The following RNGTT variants were observed in gnomAD, a reference collection of about 807,000 sequenced individuals.
The protein encoded by RNGTT is mRNA-capping enzyme.
RNGTT carries 33 observed loss-of-function variants against 79.3 expected under a neutral mutation model. That is an observed-to-expected ratio of 0.42 (90% confidence interval 0.32 to 0.56). The LOEUF (loss-of-function observed/expected upper bound fraction) is 0.56. Among genes scored for constraint, RNGTT ranks in the 20% least tolerant of loss-of-function variants. RNGTT has a pLI of 0.17. For synonymous variants in RNGTT, 222 were observed against 235.9 expected (o/e 0.94, Z 0.54); for missense variants, 497 against 739.1 (o/e 0.67, Z 3.80).
chr6:88,963,230 C>T (rs1265788492), intron 1 of RNGTT, 116 bp downstream of exon 1: 2 of 1,039,816 alleles, frequency 1.9e-6, no homozygotes, highest in Middle Eastern at 2.1e-4. Context: ...CGGAGCATAT[C>T]CCGCTCCTGA....
chr6:88,757,742 A>G (rs910642966), intron 13 of RNGTT, among the ~76,000 whole-genome samples: 3 of 152,238 alleles, frequency 2.0e-5, no homozygotes, highest in Non-Finnish European at 2.9e-5. Flanking sequence ...ACATAACAAA[A>G]TACATTTGGT....
At chr6:88,743,367 C>T (rs1403659023) in intron 13 of RNGTT, among the ~76,000 whole-genome samples, 2 of 152,046 alleles carry the variant, frequency 1.3e-5, no homozygotes, top group African/African-American at 4.8e-5. Context: ...TTTAAGTGAA[C>T]AGTTCGGTGG....
rs192638994 is a variant in RNGTT, at chr6:88,847,123, C to G, written c.1105-2602G>C. ...AACTGTAAAATATTACAAAATGTTA[C>G]GTTTTTAATGTAAAATGTTATAAAA... On this transcript the variant is annotated intron_variant, in intron 10 of 15. Transcript: ENST00000369485. 7.2e-5 allele frequency among the ~76,000 whole-genome samples: 11 copies of G among 151,978 alleles called. No homozygotes were observed. The East Asian group carries it at 1.9e-3, about 27-fold the overall frequency.
chr6:88,933,896 T>C (rs897878539), intron 2 of RNGTT, among the ~76,000 whole-genome samples: 9 of 152,258 alleles, frequency 5.9e-5, no homozygotes, highest in Non-Finnish European at 1.3e-4. Flanking sequence ...GTTCTACTTT[T>C]AGTTTTCTGA....
intron 8 of RNGTT, among the ~76,000 whole-genome samples, chr6:88,886,228 C>A (rs2127931434): frequency 6.6e-6 from 1 of 152,292 alleles, no homozygotes; most frequent in Non-Finnish European, 1.5e-5. Context: ...ATGGCGTGAA[C>A]CCAGCGGGCG....
chr6:88,761,036 C>A (rs908610009), intron 13 of RNGTT, among the ~76,000 whole-genome samples: 5 of 150,656 alleles, frequency 3.3e-5, no homozygotes, highest in African/African-American at 1.2e-4. Flanking sequence ...CACACACACA[C>A]ACACACACAC....
At chr6:88,946,446 C>G (rs1006445542) in intron 1 of RNGTT, among the ~76,000 whole-genome samples, 9 of 152,114 alleles carry the variant, frequency 5.9e-5, no homozygotes, top group African/African-American at 2.2e-4. Flanking sequence ...AATTAATAAC[C>G]CTACAATGGC....
chr6:88,919,504 G>T (rs530680901), intron 4 of RNGTT, among the ~76,000 whole-genome samples: 3 of 151,932 alleles, frequency 2.0e-5, no homozygotes, highest in Admixed American at 6.6e-5. Flanking sequence ...TGGAGGGTGT[G>T]GGGGGTATAG....
chr6:88,885,943 A>AGAGAC (rs1430639817), intron 8 of RNGTT, among the ~76,000 whole-genome samples: 1 of 152,186 alleles, frequency 6.6e-6, no homozygotes, highest in Non-Finnish European at 1.5e-5. Context: ...ACTCAATCTG[A>AGAGAC]GAGACAAGCT....
intron 4 of RNGTT, among the ~76,000 whole-genome samples, chr6:88,913,720 A>C (rs1408289832): frequency 1.3e-5 from 2 of 152,160 alleles, no homozygotes; most frequent in Non-Finnish European, 2.9e-5. Context: ...AAATAATAAG[A>C]ACCATCTATG....
chr6:88,655,008 G>A (rs1323197808), intron 14 of RNGTT, among the ~76,000 whole-genome samples: 2 of 152,126 alleles, frequency 1.3e-5, no homozygotes, highest in Non-Finnish European at 2.9e-5. Context: ...GGAAGTCATC[G>A]AACTAGAACA....
In RNGTT at chr6:88,832,579, C is replaced by A. The variant is rs548147339; in HGVS notation, c.1269+11778G>T. ...CAATGGAAATAAAAGCCAAAATTGA[C>A]AAGTGGGATCTAATTAAACTAAAGA... On this transcript the variant is annotated intron_variant, in intron 11 of 15. Coordinates refer to ENST00000369485, the MANE Select transcript of RNGTT (RefSeq NM_003800.5). 1.6e-4 allele frequency among the ~76,000 whole-genome samples: 24 copies of A among 152,212 alleles called. No homozygotes were observed. The East Asian group carries it at 4.6e-3, about 29-fold the overall frequency.
At chr6:88,738,209 A>G (rs955753934) in intron 13 of RNGTT, among the ~76,000 whole-genome samples, 1 of 152,134 alleles carries the variant, frequency 6.6e-6, no homozygotes, top group African/African-American at 2.4e-5. Flanking sequence ...GAAAAACAAG[A>G]GACAAATTCT....
At chr6:88,771,328 T>C (rs1582440758) in intron 12 of RNGTT, among the ~76,000 whole-genome samples, 2 of 99,368 alleles carry the variant, frequency 2.0e-5, no homozygotes, top group Non-Finnish European at 4.2e-5. Context: ...TATATATATA[T>C]ATATATATAT....
At chr6:88,944,879 G>A (rs1718340692) in intron 1 of RNGTT, among the ~76,000 whole-genome samples, 2 of 152,162 alleles carry the variant, frequency 1.3e-5, no homozygotes, top group African/African-American at 4.8e-5. Context: ...CAAAGGTAGA[G>A]AACCTGGCAT....
intron 11 of RNGTT, among the ~76,000 whole-genome samples, chr6:88,833,736 T>C (rs753462594): frequency 4.6e-5 from 7 of 152,206 alleles, no homozygotes; most frequent in African/African-American, 2.4e-5. Flanking sequence ...GCCAATAACA[T>C]CTTTTGACAG....
intron 14 of RNGTT, among the ~76,000 whole-genome samples, chr6:88,658,434 C>CT (rs1212838048): frequency 6.6e-6 from 1 of 152,222 alleles, no homozygotes; most frequent in African/African-American, 2.4e-5. Flanking sequence ...TCTTTGTAGA[C>CT]ACTCCCCAGC....
At chr6:88,962,078 C>T (rs993890262) in intron 1 of RNGTT, among the ~76,000 whole-genome samples, 35 of 152,268 alleles carry the variant, frequency 2.3e-4, no homozygotes, top group Non-Finnish European at 2.1e-4. Flanking sequence ...GAAGAGTACT[C>T]ACTATATGTT....
intron 14 of RNGTT, among the ~76,000 whole-genome samples, chr6:88,642,412 T>G (rs1171201531): frequency 6.6e-6 from 1 of 152,208 alleles, no homozygotes; most frequent in Non-Finnish European, 1.5e-5. Flanking sequence ...AAATTTTACA[T>G]AAATGCTTGC....
Sources: allele counts gnomAD v4.1 joint callset (sites outside exome capture counted in the v4.1 genomes callset), GRCh38; gene constraint gnomAD v4.1.1; transcripts MANE v1.5; gene names NCBI Gene and HGNC (gene_info 2026-07-23, HGNC 2026-07-21).